The following CDH20 variants were observed in gnomAD, a reference collection of about 807,000 sequenced individuals.
CDH20 encodes cadherin-20.
In CDH20, 29 loss-of-function variants were observed where a neutral mutation model predicts 74.2. The observed-to-expected ratio is 0.39, with a 90% CI of 0.29 to 0.53. CDH20 has a LOEUF of 0.53. Ranked by LOEUF, CDH20 falls within the 20% of genes least tolerant of loss-of-function variation. CDH20 has a pLI of 0.69. For missense variants in CDH20, 988 were observed against 1,048.3 expected (o/e 0.94, Z 0.79); for synonymous variants, 469 against 405.4 (o/e 1.16, Z -1.88).
intron 1 of CDH20, among the ~76,000 whole-genome samples, chr18:61,351,179 G>A (rs1910293210): frequency 6.6e-6 from 1 of 152,174 alleles, no homozygotes; most frequent in African/African-American, 2.4e-5. Context: ...CAATGTAGCA[G>A]TACTGTGTAA....
At chr18:61,425,040 CCTCTCTCTCT>C (rs10535853) in intron 1 of CDH20, among the ~76,000 whole-genome samples, 10,684 of 134,724 alleles carry the variant, frequency 0.079, 492 homozygotes, top group East Asian at 0.12. Context: ...CTTCCCCGCT[CCTCTCTCTCT>C]CTCTCTCTCT....
intron 1 of CDH20, among the ~76,000 whole-genome samples, chr18:61,405,820 T>G (rs1912311678): frequency 6.6e-6 from 1 of 152,200 alleles, no homozygotes; most frequent in South Asian, 2.1e-4. Flanking sequence ...TCCAGAGGAC[T>G]GTGCCACATG....
At chr18:61,444,295 T>A (rs991352019) in intron 1 of CDH20, among the ~76,000 whole-genome samples, 3 of 152,162 alleles carry the variant, frequency 2.0e-5, no homozygotes, top group South Asian at 4.1e-4. Context: ...GGTATGGGTA[T>A]ATAAGACAGG....
At chr18:61,358,400 G>A (rs1264821957) in intron 1 of CDH20, among the ~76,000 whole-genome samples, 4 of 152,062 alleles carry the variant, frequency 2.6e-5, no homozygotes, top group Admixed American at 6.5e-5. Flanking sequence ...GATTACAGGC[G>A]TGAGCCACAG....
At chr18:61,461,279 G>A (rs1304893549) in intron 1 of CDH20, among the ~76,000 whole-genome samples, 2 of 148,258 alleles carry the variant, frequency 1.3e-5, no homozygotes, top group Non-Finnish European at 3.0e-5. Context: ...TATTCATGGT[G>A]TATTAGTTCC....
chr18:61,339,037 T>C (rs1909848660), intron 1 of CDH20, among the ~76,000 whole-genome samples: 1 of 152,208 alleles, frequency 6.6e-6, no homozygotes, highest in Non-Finnish European at 1.5e-5. Flanking sequence ...TGAATGGTTC[T>C]TGTTACTTTG....
chr18:61,375,981 T>G (rs1911214826), intron 1 of CDH20, among the ~76,000 whole-genome samples: 1 of 152,160 alleles, frequency 6.6e-6, no homozygotes, highest in African/African-American at 2.4e-5. Context: ...AATTTAATTA[T>G]CAACATTTAA....
chr18:61,545,358 T>C (rs1326985601), intron 10 of CDH20, among the ~76,000 whole-genome samples: 1 of 151,320 alleles, frequency 6.6e-6, no homozygotes, highest in East Asian at 1.9e-4. Flanking sequence ...TCCTCCCATC[T>C]CAGCCTCCCA....
rs750708436 is a variant in CDH20 at position 61,550,223 on chromosome 18, C to T, written c.1894C>T (p.Leu632Phe). The T allele has an allele frequency of 3.1e-6, 5 of 1,612,596 alleles. No homozygotes were observed. The highest frequency in any genetic ancestry group is 2.7e-5 in the African/African-American group (2 of 75,026). The change falls in exon 11 of 12, where the codon CTC becomes TTC. Residue 632 changes from leucine (L) to phenylalanine (F), a missense_variant. Physicochemically the swap from Leu to Phe is conservative, Grantham distance 22. Coordinates refer to ENST00000262717, the MANE Select transcript of CDH20 (RefSeq NM_031891.4). ...LIAILACIFV[L>F]LVLVLLILSM... Reference sequence around the variant, plus strand: ...TGCCATCCTCGCCTGCATCTTTGTCCTCTTAGGTGAGTAAGGGGCTGCTTT... The same window carrying T: ...TGCCATCCTCGCCTGCATCTTTGTCTTCTTAGGTGAGTAAGGGGCTGCTTT...
chr18:61,349,386 G>T (rs1167223878), intron 1 of CDH20, among the ~76,000 whole-genome samples: 1 of 152,140 alleles, frequency 6.6e-6, no homozygotes, highest in African/African-American at 2.4e-5. Flanking sequence ...CTCCTTCTCT[G>T]AATATGTCTT....
At chr18:61,532,679 C>T (rs1912688253) in intron 7 of CDH20, among the ~76,000 whole-genome samples, 1 of 152,020 alleles carries the variant, frequency 6.6e-6, no homozygotes, top group Non-Finnish European at 1.5e-5. Flanking sequence ...CTAATCATAA[C>T]CCACCAAATT....
chr18:61,432,959 CAT>C (rs993697310), intron 1 of CDH20, among the ~76,000 whole-genome samples: 2 of 151,976 alleles, frequency 1.3e-5, no homozygotes, highest in African/African-American at 4.8e-5. Flanking sequence ...AAAGAAAAAA[CAT>C]ACACCACATA....
At chr18:61,484,557 A>C (rs1391065818) in intron 1 of CDH20, among the ~76,000 whole-genome samples, 1 of 152,218 alleles carries the variant, frequency 6.6e-6, no homozygotes, top group Admixed American at 6.5e-5. Flanking sequence ...ACTCTAGAGC[A>C]AGGATTTCTA....
chr18:61,340,979 A>G (rs557293783), intron 1 of CDH20, among the ~76,000 whole-genome samples: 1 of 152,342 alleles, frequency 6.6e-6, no homozygotes, highest in East Asian at 1.9e-4. Context: ...TTTGCATCAA[A>G]GGATATCTTT....
intron 1 of CDH20, among the ~76,000 whole-genome samples, chr18:61,341,047 T>A (rs1054258860): frequency 6.6e-6 from 1 of 152,186 alleles, no homozygotes; most frequent in Non-Finnish European, 1.5e-5. Flanking sequence ...TACCTACCAC[T>A]GTTGAAGGTC....
chr18:61,403,900 C>T (rs368396038), intron 1 of CDH20, among the ~76,000 whole-genome samples: 46 of 152,104 alleles, frequency 3.0e-4, no homozygotes, highest in African/African-American at 8.0e-4. Context: ...ACTATGCAGC[C>T]ATAAAAAGGG....
At chr18:61,446,879 T>C (rs1909220275) in intron 1 of CDH20, among the ~76,000 whole-genome samples, 1 of 152,166 alleles carries the variant, frequency 6.6e-6, no homozygotes, top group Admixed American at 6.5e-5. Flanking sequence ...CACACGAGGA[T>C]TGGTAGCACA....
chr18:61,535,520 G>A (rs1912791639), intron 7 of CDH20, among the ~76,000 whole-genome samples: 3 of 152,034 alleles, frequency 2.0e-5, no homozygotes, highest in African/African-American at 7.2e-5. Context: ...ACACAGGTGA[G>A]ATAACACAAC....
chr18:61,542,625 C>T (rs567893674), intron 9 of CDH20, among the ~76,000 whole-genome samples: 61 of 152,272 alleles, frequency 4.0e-4, no homozygotes, highest in African/African-American at 1.3e-3. Flanking sequence ...ATGGGTGTCT[C>T]AGTCGGTTTG....
Sources: allele counts gnomAD v4.1 joint callset (sites outside exome capture counted in the v4.1 genomes callset), GRCh38; gene constraint gnomAD v4.1.1; transcripts MANE v1.5; gene names NCBI Gene and HGNC (gene_info 2026-07-23, HGNC 2026-07-21).